The following CD36 variants were observed in gnomAD, a reference collection of about 807,000 sequenced individuals.
The protein encoded by CD36 is platelet glycoprotein 4.
In CD36, 119 loss-of-function variants were observed where a neutral mutation model predicts 55.2. The ratio of observed to expected loss-of-function variants is 2.15; its 90% CI spans 1.86 to 2.51. CD36 has a LOEUF of 2.51. Ranked by LOEUF, CD36 falls within the 30% of genes most tolerant of loss-of-function variation. The pLI, the probability that CD36 is intolerant of heterozygous loss-of-function variation, is 0.00. For synonymous variants in CD36, 186 were observed against 193.6 expected (o/e 0.96, Z 0.33); for missense variants, 819 against 555.5 (o/e 1.47, Z -4.77).
At chr7:80,675,763 T>A (rs1327740021) in intron 14 of CD36, among the ~76,000 whole-genome samples, 1 of 152,096 alleles carries the variant, frequency 6.6e-6, no homozygotes, top group African/African-American at 2.4e-5. Flanking sequence ...AGAAGACAGG[T>A]ATGTAAGAAG....
At chr7:80,627,345 G>T (rs1282395067) in intron 1 of CD36, among the ~76,000 whole-genome samples, 1 of 152,014 alleles carries the variant, frequency 6.6e-6, no homozygotes, top group Non-Finnish European at 1.5e-5. Context: ...TACAAAGAGA[G>T]AACTTAGGTT....
chr7:80,636,728 T>G (rs900229940), upstream of CD36: 1 of 152,030 alleles, frequency 6.6e-6, no homozygotes, highest in Admixed American at 6.6e-5. Flanking sequence ...ACCCCAACAC[T>G]CTTTACTTTA....
At chr7:80,658,118 G>A (rs1461279929) in intron 4 of CD36, among the ~76,000 whole-genome samples, 5 of 152,154 alleles carry the variant, frequency 3.3e-5, no homozygotes, top group African/African-American at 1.2e-4. Flanking sequence ...GCGCATCTGT[G>A]ACAATTCATA....
intron 5 of CD36, among the ~76,000 whole-genome samples, chr7:80,662,049 A>G (rs1796574656): frequency 6.6e-6 from 1 of 152,220 alleles, no homozygotes; most frequent in African/African-American, 2.4e-5. Context: ...AGGGGCAAAT[A>G]TGAACTCTGC....
chr7:80,605,848 G>C (rs1792518625), intron 1 of CD36, among the ~76,000 whole-genome samples: 3 of 152,220 alleles, frequency 2.0e-5, no homozygotes, highest in African/African-American at 7.2e-5. Context: ...CTAAGCAGAT[G>C]CATAGACAAA....
chr7:80,639,481 A>C (rs1333746981), intron 1 of CD36, among the ~76,000 whole-genome samples: 1 of 151,972 alleles, frequency 6.6e-6, no homozygotes, highest in African/African-American at 2.4e-5. Flanking sequence ...GATGATGCCA[A>C]GTTGAAGTAA....
chr7:80,615,363 G>T (rs1402570856), intron 1 of CD36, among the ~76,000 whole-genome samples: 1 of 152,104 alleles, frequency 6.6e-6, no homozygotes, highest in Non-Finnish European at 1.5e-5. Context: ...GGGGCTTCAA[G>T]GTCTGGTATC....
intron 8 of CD36, among the ~76,000 whole-genome samples, chr7:80,667,486 T>G (rs1304287560): frequency 6.9e-6 from 1 of 145,276 alleles, no homozygotes; most frequent in African/African-American, 2.5e-5. Flanking sequence ...GTAATTAATA[T>G]CCAGAGGCAA....
chr7:80,664,120 TAGTA>T (rs1191024384), intron 6 of CD36, among the ~76,000 whole-genome samples: 1 of 152,112 alleles, frequency 6.6e-6, no homozygotes, highest in African/African-American at 2.4e-5. Context: ...CACCTCAACA[TAGTA>T]AGAATAGTGA....
chr7:80,670,298 C>G (rs1156885715), intron 9 of CD36: 1 of 433,960 alleles, frequency 2.3e-6, no homozygotes, highest in Non-Finnish European at 4.2e-6. Context: ...TAAAGACATA[C>G]AGAGAAGATG....
intron 14 of CD36, 59 bp downstream of exon 14, chr7:80,674,206 CACTTTATCAAAG>C: frequency 8.0e-7 from 1 of 1,255,518 alleles, no homozygotes; most frequent in Non-Finnish European, 1.1e-6. Context: ...TACTTGTTTT[CACTTTATCAAAG>C]AGAAGTTACA....
At chr7:80,613,683 G>A (rs118158200) in intron 1 of CD36, among the ~76,000 whole-genome samples, 1 of 152,196 alleles carries the variant, frequency 6.6e-6, no homozygotes, top group East Asian at 1.9e-4. Flanking sequence ...AGAGATGCTT[G>A]TCAGGGGCCT....
intron 7 of CD36, among the ~76,000 whole-genome samples, chr7:80,665,446 C>T (rs1172997312): frequency 1.2e-5 from 1 of 84,038 alleles, no homozygotes. Context: ...TTGCTTTTAA[C>T]AGCTAAATAT....
chr7:80,617,906 G>T (rs1004984187), intron 1 of CD36, among the ~76,000 whole-genome samples: 1 of 152,132 alleles, frequency 6.6e-6, no homozygotes. Context: ...AGTGCCAAAA[G>T]TTGGTCATGC....
At chr7:80,665,365 A>C (rs3211914) in intron 7 of CD36, among the ~76,000 whole-genome samples, 3,895 of 152,242 alleles carry the variant, frequency 0.026, 73 homozygotes, top group Non-Finnish European at 0.039. Flanking sequence ...TAAAGTGATC[A>C]AAACCAAAAG....
intron 1 of CD36, among the ~76,000 whole-genome samples, chr7:80,627,045 G>A (rs1436706510): frequency 6.6e-6 from 1 of 151,908 alleles, no homozygotes; most frequent in Non-Finnish European, 1.5e-5. Context: ...CTATTACAAG[G>A]TTCTATTTAC....
At chr7:80,662,909 C>A in intron 5 of CD36, 81 bp from the exon 6 acceptor site, 2 of 1,156,922 alleles carry the variant, frequency 1.7e-6, no homozygotes, top group Non-Finnish European at 2.6e-6. Flanking sequence ...TTGTATTAAG[C>A]TCAATATTAG....
At chr7:80,615,467 G>T in intron 1 of CD36, among the ~76,000 whole-genome samples, 1 of 152,216 alleles carries the variant, frequency 6.6e-6, no homozygotes, top group East Asian at 1.9e-4. Context: ...ATTTATGCAT[G>T]TTGTTCTTTC....
Position 80,646,843 on chromosome 7 carries a change from C to T in CD36, c.103C>T (p.Gln35Ter). The T allele has an allele frequency of 6.2e-7, 1 of 1,613,882 alleles. No homozygotes were observed. Among genetic ancestry groups the T allele is most frequent in the South Asian group, 1.1e-5 (1 of 91,074 alleles). The change falls in exon 3 of 15, where the codon CAG (glutamine) becomes TAG (stop). Residue 35 changes from glutamine to a stop codon, truncating the protein, a stop_gained. Transcript: ENST00000447544. LOFTEE classifies it high-confidence loss of function. Reference sequence around the variant, plus strand: ...AATGCCAGTTGGAGACCTGCTTATCCAGAAGACAATTAAAAAGGTACAAGT... The same window carrying T: ...AATGCCAGTTGGAGACCTGCTTATCTAGAAGACAATTAAAAAGGTACAAGT... Reference protein sequence around the residue: ...ILMPVGDLLIQKTIKKQVVLE... With the variant: ...ILMPVGDLLI
Sources: allele counts gnomAD v4.1 joint callset (sites outside exome capture counted in the v4.1 genomes callset), GRCh38; gene constraint gnomAD v4.1.1; transcripts MANE v1.5; gene names NCBI Gene and HGNC (gene_info 2026-07-23, HGNC 2026-07-21).